Variants in KHDRBS2 observed in about 807,000 individuals in gnomAD.
KHDRBS2 encodes KH RNA binding domain containing, signal transduction associated 2.
A neutral mutation model predicts 44.3 loss-of-function variants in KHDRBS2; 26 were observed. The ratio of observed to expected loss-of-function variants is 0.59; its 90% CI spans 0.43 to 0.81. The LOEUF is 0.81. Ranked by LOEUF, KHDRBS2 falls within the 40% of genes least tolerant of loss-of-function variation. The probability of loss-of-function intolerance (pLI) is 0.00; values close to 1 mark genes in which losing one functional copy is unlikely to be tolerated. For synonymous variants in KHDRBS2, 194 were observed against 151.1 expected (o/e 1.28, Z -2.08); for missense variants, 476 against 433.1 (o/e 1.10, Z -0.88).
intron 1 of KHDRBS2, among the ~76,000 whole-genome samples, chr6:62,178,425 G>C (rs759487034): frequency 4.0e-5 from 6 of 151,560 alleles, no homozygotes; most frequent in Non-Finnish European, 8.9e-5. Flanking sequence ...GCTTTATATT[G>C]TGACTGCAAT....
chr6:61,593,644 G>A, the KHDRBS2 span, among the ~76,000 whole-genome samples: 1 of 135,378 alleles, frequency 7.4e-6, no homozygotes, highest in Non-Finnish European at 1.6e-5. Flanking sequence ...TTGTCATATA[G>A]ATTATTTTTA....
intron 1 of KHDRBS2, among the ~76,000 whole-genome samples, 178 bp from the exon 2 acceptor site, chr6:62,177,490 C>A (rs561826426): frequency 6.6e-6 from 1 of 151,382 alleles, no homozygotes; most frequent in African/African-American, 2.4e-5. Context: ...AATGCTGCTA[C>A]TGTATGTAAG....
chr6:61,796,705 C>A (rs1414346395), intron 6 of KHDRBS2, among the ~76,000 whole-genome samples: 3 of 151,958 alleles, frequency 2.0e-5, no homozygotes, highest in African/African-American at 7.3e-5. Context: ...TGGTTATGTA[C>A]AAAACACCCT....
At chr6:61,764,738 C>G (rs994018756) in intron 6 of KHDRBS2, among the ~76,000 whole-genome samples, 18 of 148,754 alleles carry the variant, frequency 1.2e-4, no homozygotes, top group African/African-American at 4.4e-4. Flanking sequence ...TGTTTTTTTT[C>G]TTGTAAATTT....
the KHDRBS2 span, among the ~76,000 whole-genome samples, chr6:61,606,058 C>A: frequency 5.3e-5 from 8 of 152,176 alleles, no homozygotes; most frequent in Non-Finnish European, 1.0e-4. Flanking sequence ...AGCTCCCTGA[C>A]TGAGCACCTT....
intron 3 of KHDRBS2, among the ~76,000 whole-genome samples, chr6:62,042,455 C>T (rs1302744849): frequency 1.3e-5 from 2 of 151,982 alleles, no homozygotes; most frequent in East Asian, 3.9e-4. Flanking sequence ...GGTGTCTGGG[C>T]TCTTGATTTT....
chr6:62,260,858 G>C (rs1005653479), intron 1 of KHDRBS2, among the ~76,000 whole-genome samples: 21 of 151,564 alleles, frequency 1.4e-4, no homozygotes, highest in Non-Finnish European at 1.6e-4. Context: ...ATAAGAACCG[G>C]GCAAAATTAA....
chr6:61,580,740 G>A, the KHDRBS2 span, among the ~76,000 whole-genome samples: 2 of 152,188 alleles, frequency 1.3e-5, 1 homozygote, highest in East Asian at 3.9e-4. Context: ...AAGGTCTGCG[G>A]CTTCATTCCT....
At chr6:61,597,358 G>A in the KHDRBS2 span, among the ~76,000 whole-genome samples, 6 of 151,952 alleles carry the variant, frequency 3.9e-5, no homozygotes, top group Non-Finnish European at 5.9e-5. Flanking sequence ...AATTTAAGGC[G>A]GAGCCCATTA....
chr6:61,566,483 A>G, the KHDRBS2 span, among the ~76,000 whole-genome samples: 2 of 152,182 alleles, frequency 1.3e-5, no homozygotes, highest in East Asian at 3.8e-4. Context: ...TCTTTCTTGT[A>G]TCAAAATATC....
At chr6:61,718,045 C>A (rs1225699625) in intron 7 of KHDRBS2, among the ~76,000 whole-genome samples, 1 of 151,942 alleles carries the variant, frequency 6.6e-6, no homozygotes, top group Admixed American at 6.6e-5. Context: ...TTTAAATTTT[C>A]TCTATATAAA....
chr6:61,744,958 C>T (rs1776657690), intron 6 of KHDRBS2, among the ~76,000 whole-genome samples: 1 of 152,096 alleles, frequency 6.6e-6, no homozygotes, highest in Non-Finnish European at 1.5e-5. Flanking sequence ...GGAAGAATGA[C>T]TGAACATTAA....
At chr6:61,736,243 C>CACACAA (rs1393747159) in intron 6 of KHDRBS2, among the ~76,000 whole-genome samples, 3 of 151,160 alleles carry the variant, frequency 2.0e-5, no homozygotes, top group African/African-American at 7.3e-5. Context: ...CACACACACA[C>CACACAA]ACACTAACAA....
intron 4 of KHDRBS2, among the ~76,000 whole-genome samples, chr6:61,941,046 T>C (rs1334886369): frequency 6.6e-6 from 1 of 152,192 alleles, no homozygotes; most frequent in Non-Finnish European, 1.5e-5. Context: ...CTGCCTACCA[T>C]GGCTGGCATC....
At chr6:61,652,027 C>G in the KHDRBS2 span, among the ~76,000 whole-genome samples, 2 of 152,174 alleles carry the variant, frequency 1.3e-5, no homozygotes, top group Non-Finnish European at 2.9e-5. Context: ...ACTGAGACAT[C>G]TGGAAACTCC....
the KHDRBS2 span, among the ~76,000 whole-genome samples, chr6:61,608,489 G>A: frequency 7.2e-5 from 11 of 151,926 alleles, no homozygotes; most frequent in South Asian, 4.2e-4. Context: ...TGCAGAACAT[G>A]CAGGTTTGTT....
chr6:62,088,781 G>A (rs1376360726), intron 2 of KHDRBS2, among the ~76,000 whole-genome samples: 7 of 152,152 alleles, frequency 4.6e-5, no homozygotes, highest in Admixed American at 1.3e-4. Context: ...CTTCAGAGCC[G>A]GCAGGCAGAA....
At chr6:62,154,949 A>G (rs1398301286) in intron 2 of KHDRBS2, among the ~76,000 whole-genome samples, 1 of 152,246 alleles carries the variant, frequency 6.6e-6, no homozygotes, top group Non-Finnish European at 1.5e-5. Context: ...GTGGAGAAAT[A>G]CTGAAGGGTC....
chr6:62,152,158 A>G (rs982270501), intron 2 of KHDRBS2, among the ~76,000 whole-genome samples: 8 of 152,078 alleles, frequency 5.3e-5, no homozygotes, highest in African/African-American at 1.4e-4. Flanking sequence ...CGACTCTACT[A>G]AAAATACAAA....
Sources: gnomAD v4.1 joint callset for allele counts (sites outside exome capture counted in the v4.1 genomes callset) on GRCh38, gnomAD v4.1.1 for gene constraint, MANE v1.5 for transcripts, NCBI Gene and HGNC (gene_info 2026-07-23, HGNC 2026-07-21) for gene names.